The following EIF4E3 variants were observed in gnomAD, a reference collection of about 807,000 sequenced individuals.
EIF4E3 encodes eukaryotic translation initiation factor 4E type 3.
Under a neutral mutation model 31.7 loss-of-function variants are expected in EIF4E3, and 26 were observed. That is an observed-to-expected ratio of 0.82 (90% CI 0.60 to 1.14). The LOEUF (loss-of-function observed/expected upper bound fraction) is 1.14. Among genes scored for constraint, EIF4E3 ranks in the 50% most tolerant of loss-of-function variants. The pLI is 0.00. For missense variants in EIF4E3, 304 were observed against 270.9 expected, an observed-to-expected ratio of 1.12 and a Z score of -0.86; for synonymous variants, 128 against 107.7, an observed-to-expected ratio of 1.19 and a Z score of -1.17.
intron 1 of EIF4E3, among the ~76,000 whole-genome samples, chr3:71,718,743 T>C (rs565925388): frequency 6.6e-6 from 1 of 152,344 alleles, no homozygotes; most frequent in East Asian, 1.9e-4. Context: ...AAGGCCCTCA[T>C]ACTTTTCTGC....
the EIF4E3 span, among the ~76,000 whole-genome samples, chr3:71,666,325 A>C: frequency 6.6e-6 from 1 of 152,358 alleles, no homozygotes; most frequent in Admixed American, 6.5e-5. Context: ...ACCTCTATGC[A>C]AATAAACTAG....
intron 1 of EIF4E3, among the ~76,000 whole-genome samples, chr3:71,746,249 A>AT: frequency 6.6e-6 from 1 of 152,236 alleles, no homozygotes. Context: ...CTCATCTGTC[A>AT]AACTGGGGTA....
intron 6 of EIF4E3, among the ~76,000 whole-genome samples, chr3:71,685,261 C>T (rs2048976660): frequency 6.6e-6 from 1 of 152,096 alleles, no homozygotes; most frequent in Admixed American, 6.6e-5. Flanking sequence ...CATAAAATTG[C>T]TAAGTTTTAT....
At chr3:71,690,779 T>C (rs900070621) in intron 5 of EIF4E3, among the ~76,000 whole-genome samples, 2 of 152,190 alleles carry the variant, frequency 1.3e-5, no homozygotes, top group Admixed American at 6.5e-5. Flanking sequence ...CCTTTTCTGG[T>C]TTTGGGCATT....
At chr3:71,692,640 G>C (rs2049079156) in intron 5 of EIF4E3, among the ~76,000 whole-genome samples, 1 of 150,088 alleles carries the variant, frequency 6.7e-6, no homozygotes, top group South Asian at 2.1e-4. Context: ...CTGTCACCCA[G>C]GCTGCAGTAC....
rs932219594 is a variant in EIF4E3, at chr3:71,725,339, G to T, written c.29C>A (p.Pro10His). 5.1e-5 allele frequency: 50 copies of T among 973,614 alleles called. No homozygotes were observed. Among genetic ancestry groups the T allele is most frequent in the Non-Finnish European group, 6.0e-5 (49 of 821,950 alleles). The allele number at this position is 973,614 out of a possible 1,614,324, so 60.3% of individuals were successfully genotyped here. Reference protein sequence around the residue: MALPPAAAPPAGAREPPGSR... With the variant: MALPPAAAPHAGAREPPGSR... ...CCCCGGCGGCTCCCGGGCCCCGGCG[G>T]GGGGCGCGGCGGCCGGGGGCAGCGC... Residue 10 changes from proline (P) to histidine (H), a missense_variant, in exon 1 of 7, where the codon CCC (proline) becomes CAC (histidine). Physicochemically the swap from Pro to His is moderately conservative, Grantham distance 77. Coordinates refer to ENST00000425534, the MANE Select transcript of EIF4E3 (RefSeq NM_001134651.2). This position sits in a 1 kb window ranked among gnomAD's most constrained non-coding sequence, Gnocchi z 6.1.
the EIF4E3 span, among the ~76,000 whole-genome samples, chr3:71,662,042 C>G: frequency 1.3e-5 from 2 of 152,290 alleles, no homozygotes; most frequent in East Asian, 3.9e-4. Flanking sequence ...GAGTCTGGCA[C>G]AGGGTCCATG....
intron 1 of EIF4E3, among the ~76,000 whole-genome samples, chr3:71,747,149 G>A (rs2049882134): frequency 6.6e-6 from 1 of 152,156 alleles, no homozygotes; most frequent in African/African-American, 2.4e-5. Context: ...ATGCCTAGGC[G>A]TGAAATGGCT....
chr3:71,750,535 T>A (rs1018633915), intron 1 of EIF4E3, among the ~76,000 whole-genome samples: 3 of 152,206 alleles, frequency 2.0e-5, no homozygotes, highest in African/African-American at 7.2e-5. Context: ...TTTGTGTATG[T>A]TAGTTTACTG....
chr3:71,670,572 T>C (rs768325592), downstream of EIF4E3, among the ~76,000 whole-genome samples: 22 of 152,194 alleles, frequency 1.4e-4, no homozygotes, highest in Non-Finnish European at 2.5e-4. Flanking sequence ...TAGCTACTGG[T>C]ATTGTTTTTG....
At chr3:71,712,628 C>CG (rs1483521772) in intron 1 of EIF4E3, among the ~76,000 whole-genome samples, 11 of 7,212 alleles carry the variant, frequency 1.5e-3, no homozygotes, top group Non-Finnish European at 2.3e-3. Context: ...GTGTGTGTTG[C>CG]GGGGGGTGGG....
chr3:71,670,522 A>C (rs568486215), downstream of EIF4E3, among the ~76,000 whole-genome samples: 1 of 152,234 alleles, frequency 6.6e-6, no homozygotes, highest in Admixed American at 6.5e-5. Flanking sequence ...TACAAGTACG[A>C]CTTAGGAATA....
intron 1 of EIF4E3, among the ~76,000 whole-genome samples, chr3:71,717,118 G>C (rs1041070028): frequency 1.1e-4 from 16 of 152,246 alleles, no homozygotes; most frequent in African/African-American, 3.9e-4. Context: ...AAGCTGAAAC[G>C]GTTTCTTCGA....
chr3:71,667,646 AT>A, the EIF4E3 span, among the ~76,000 whole-genome samples: 1 of 152,244 alleles, frequency 6.6e-6, no homozygotes, highest in African/African-American at 2.4e-5. Context: ...GTGAACTCCC[AT>A]TCACAATTGC....
In EIF4E3 at chr3:71,681,735, A is replaced by G. The variant is rs1161379550; in HGVS notation, c.*2947T>C. The G allele has an allele frequency of 6.6e-6, 1 of 152,198 alleles. No homozygotes were observed. The highest frequency in any genetic ancestry group is 6.5e-5 in the Admixed American group (1 of 15,268). The allele number at this position is 152,198 out of a possible 1,614,324, so 9.4% of individuals were successfully genotyped here. A position where few individuals can be genotyped will look rare whatever the true frequency, so the allele number is the denominator to read the frequency against. On this transcript the variant is annotated 3_prime_UTR_variant, in exon 7 of 7. Coordinates refer to ENST00000425534, the MANE Select transcript of EIF4E3 (RefSeq NM_001134651.2). ...AGTTCGGCCAAGGCTCAGTTGGTGG[A>G]TTGTATATTATGTCTATAGGACCCA... is the stretch of plus-strand genomic sequence containing the variant.
intron 1 of EIF4E3, among the ~76,000 whole-genome samples, chr3:71,712,118 A>G (rs1190748698): frequency 6.6e-6 from 1 of 152,252 alleles, no homozygotes; most frequent in Non-Finnish European, 1.5e-5. Flanking sequence ...AATCTACTGT[A>G]AAGCACTGAA....
intron 6 of EIF4E3, among the ~76,000 whole-genome samples, chr3:71,689,660 C>A (rs2049036516): frequency 6.6e-6 from 1 of 152,044 alleles, no homozygotes; most frequent in Non-Finnish European, 1.5e-5. Flanking sequence ...TATCTACCTG[C>A]CAGTTCATAT....
intron 1 of EIF4E3, among the ~76,000 whole-genome samples, chr3:71,750,946 T>C (rs1403476018): frequency 6.6e-6 from 1 of 151,890 alleles, no homozygotes; most frequent in Non-Finnish European, 1.5e-5. Context: ...TGCATTTTAA[T>C]AGAGACGGGG....
intron 1 of EIF4E3, among the ~76,000 whole-genome samples, chr3:71,717,044 T>C (rs947538415): frequency 1.1e-4 from 16 of 152,244 alleles, no homozygotes; most frequent in African/African-American, 3.6e-4. Context: ...GGCTATCTTT[T>C]ATCAGACCAC....
Sources: gnomAD v4.1 joint callset for allele counts (sites outside exome capture counted in the v4.1 genomes callset) on GRCh38, gnomAD v4.1.1 for gene constraint, Gnocchi (gnomAD v3.1) non-coding constraint, MANE v1.5 for transcripts, NCBI Gene and HGNC (gene_info 2026-07-23, HGNC 2026-07-21) for gene names.